Variants in PA2G4 observed in about 807,000 individuals in gnomAD.
PA2G4 encodes the protein proliferation-associated 2G4.
In PA2G4, 8 loss-of-function variants were observed where a neutral mutation model predicts 53.3. That is an observed-to-expected ratio of 0.15 (90% CI 0.09 to 0.27). PA2G4 has a LOEUF of 0.27. Ranked by LOEUF, PA2G4 falls within the 10% of genes least tolerant of loss-of-function variation. The pLI, the probability that PA2G4 is intolerant of heterozygous loss-of-function variation, is 1.00. For synonymous variants in PA2G4, 143 were observed against 169.8 expected, an observed-to-expected ratio of 0.84 and a Z score of 1.23; for missense variants, 208 against 486.8, an observed-to-expected ratio of 0.43 and a Z score of 5.39.
intron 9 of PA2G4, 57 bp downstream of exon 9, chr12:56,110,749 A>G: frequency 6.2e-7 from 1 of 1,604,638 alleles, no homozygotes; most frequent in South Asian, 1.1e-5. Flanking sequence ...TACACCCAGG[A>G]ACACTTTTTC....
rs1157466662 is a variant in PA2G4, at chr12:56,111,631, C to T, written c.1119+102C>T. The stretch of plus-strand genomic sequence containing the variant: ...AAATACGGATTTTTATACAGATGCT[C>T]CTCAACTTATATGATAGAACTTTGT... On this transcript the variant is annotated intron_variant, in intron 12 of 12. Coordinates refer to ENST00000303305, the MANE Select transcript of PA2G4 (RefSeq NM_006191.3). The T allele has an allele frequency of 1.1e-5, 11 of 990,236 alleles. No individual in the cohort carries two copies. In the Admixed American group the frequency reaches 2.1e-4, roughly 19 times the overall value. 61.3% of individuals were successfully genotyped at this position (990,236 alleles called of 1,614,324 possible).
At chr12:56,112,777 A>T (rs1266242866) in intron 12 of PA2G4, 46 bp from the exon 13 acceptor site, 5 of 1,254,502 alleles carry the variant, frequency 4.0e-6, no homozygotes, top group Non-Finnish European at 5.7e-6. Flanking sequence ...ATCCCCAAGT[A>T]GTTAGAAACT....
chr12:56,104,636 C>G lies in PA2G4; in HGVS notation c.-102C>G, dbSNP rs752351179. On this transcript the variant is annotated 5_prime_UTR_variant, in exon 1 of 13. Coordinates refer to ENST00000303305, the MANE Select transcript of PA2G4 (RefSeq NM_006191.3). ...TGCTCGCGCTTTCGCTCGCCCTCTC[C>G]TCGAGGATCGAGGGGACTCTGACCA... The G allele has an allele frequency of 1.8e-6, 2 of 1,134,770 alleles. No individual in the cohort carries two copies. The highest frequency in any genetic ancestry group is 1.5e-5 in the African/African-American group (1 of 65,878). The allele number at this position is 1,134,770 out of a possible 1,614,324, so 70.3% of individuals were successfully genotyped here. A position where few individuals can be genotyped will look rare whatever the true frequency, so the allele number is the denominator to read the frequency against.
chr12:56,108,337 A>G (rs1176482158), intron 5 of PA2G4, among the ~76,000 whole-genome samples: 4 of 152,238 alleles, frequency 2.6e-5, no homozygotes, highest in African/African-American at 9.6e-5. Context: ...CTTGTCTTCT[A>G]GATTGGGATA....
At chr12:56,105,093 TA>T in intron 1 of PA2G4, 1 of 683,384 alleles carries the variant, frequency 1.5e-6, no homozygotes, top group African/African-American at 1.8e-5. Context: ...GGCCGTTTGT[TA>T]GGAGGCAAGA....
Position 56,111,316 on chromosome 12 carries a change from A to G in PA2G4, c.1065+7A>G. 1 of 1,614,168 alleles carries G rather than the reference A, an allele frequency of 6.2e-7. No homozygotes were observed. Among genetic ancestry groups the G allele is most frequent in the Non-Finnish European group, 8.5e-7 (1 of 1,180,034 alleles). Reference sequence around the variant, plus strand: ...CCAGGATGCAGAGCTAAAGGTTAGTATGGAATAGAAGGTGGTGAGTATGTA... The same window carrying G: ...CCAGGATGCAGAGCTAAAGGTTAGTGTGGAATAGAAGGTGGTGAGTATGTA... On this transcript the variant is annotated splice_region_variant and intron_variant, in intron 11 of 12. Coordinates refer to ENST00000303305, the MANE Select transcript of PA2G4 (RefSeq NM_006191.3).
Position 56,109,927 on chromosome 12 carries a change from C to T in PA2G4, c.621C>T (p.Asp207=). Residue 207 remains aspartate, a synonymous_variant, in exon 7 of 13, where the codon GAC becomes GAT. Coordinates refer to ENST00000303305, the MANE Select transcript of PA2G4 (RefSeq NM_006191.3). ...GEKTIIQNPT[D]QQKKDHEKAE... is the part of the protein sequence containing the mutation. ...AAACCATTATCCAGAATCCCACAGACCAGCAGAAGTAGGTGCCAACCCTAC... is the reference window on the plus strand; with the variant it reads ...AAACCATTATCCAGAATCCCACAGATCAGCAGAAGTAGGTGCCAACCCTAC... The T allele has an allele frequency of 6.2e-7, 1 of 1,612,768 alleles. No individual in the cohort carries two copies. Among genetic ancestry groups the T allele is most frequent in the Non-Finnish European group, 8.5e-7 (1 of 1,178,758 alleles).
chr12:56,105,106 G>A, intron 1 of PA2G4: 1 of 672,214 alleles, frequency 1.5e-6, no homozygotes, highest in South Asian at 1.5e-5. Context: ...GAGGCAAGAC[G>A]TGTTTTCTCT....
chr12:56,109,137 A>C (rs1163593309), intron 5 of PA2G4, 93 bp from the exon 6 acceptor site: 14 of 775,418 alleles, frequency 1.8e-5, no homozygotes, highest in East Asian at 3.0e-5. Flanking sequence ...AAAAAAAAAA[A>C]AAAACGCTCA....
intron 6 of PA2G4, 104 bp downstream of exon 6, chr12:56,109,397 A>C: frequency 2.6e-6 from 2 of 763,562 alleles, no homozygotes; most frequent in Non-Finnish European, 4.6e-6. Context: ...AGGTGGGCGG[A>C]TCACCTGAGG....
intron 12 of PA2G4, 30 bp downstream of exon 12, chr12:56,111,559 C>T (rs372490115): frequency 6.3e-6 from 10 of 1,588,256 alleles, no homozygotes; most frequent in Non-Finnish European, 7.8e-6. Context: ...TCCTCTCTGG[C>T]AGGGTGAACC....
chr12:56,110,925 G>A (rs1322102219), intron 9 of PA2G4, 39 bp from the exon 10 acceptor site: 1 of 1,560,676 alleles, frequency 6.4e-7, no homozygotes, highest in Non-Finnish European at 8.8e-7. Flanking sequence ...GACTTGATGG[G>A]GAGTTAAAGA....
In PA2G4 at chr12:56,113,621, A is replaced by T; in HGVS notation, c.*733A>T. On this transcript the variant is annotated 3_prime_UTR_variant, in exon 13 of 13. Transcript: ENST00000303305. The stretch of plus-strand genomic sequence containing the variant: ...TCTTTCCTCGCTCCATCTTACACAG[A>T]CCTGAGCTGGAAGCTCAACTGGTTT... 1.7e-6 allele frequency: 1 copy of T among 578,688 alleles called. No homozygotes were observed. The highest frequency in any genetic ancestry group is 2.2e-5 in the South Asian group (1 of 45,570). 35.8% of individuals were successfully genotyped at this position (578,688 alleles called of 1,614,324 possible). A position where few individuals can be genotyped will look rare whatever the true frequency, so the allele number is the denominator to read the frequency against.
chr12:56,107,490 G>A (rs751435283), intron 4 of PA2G4, 31 bp from the exon 5 acceptor site: 1 of 1,510,710 alleles, frequency 6.6e-7, no homozygotes, highest in African/African-American at 1.4e-5. Flanking sequence ...GACTTTCCAG[G>A]AAGATACTGA....
At chr12:56,112,459 G>T (rs1346180212) in intron 12 of PA2G4, among the ~76,000 whole-genome samples, 4 of 151,876 alleles carry the variant, frequency 2.6e-5, no homozygotes, top group Non-Finnish European at 5.9e-5. Flanking sequence ...TGACCCAGAG[G>T]ATTGAGATAA....
intron 1 of PA2G4, among the ~76,000 whole-genome samples, chr12:56,105,265 GTTGCTGGGTCCCA>G (rs1241711467): frequency 6.6e-6 from 1 of 152,178 alleles, no homozygotes; most frequent in African/African-American, 2.4e-5. Context: ...GCCGGCACGT[GTTGCTGGGTCCCA>G]TTGCGGATGG....
In PA2G4 at chr12:56,106,479, G is replaced by T. The variant is rs1480886023; in HGVS notation, c.89-109G>T. ...TTGACCTTTCAGCCTCAGGGCAATG[G>T]CACCAGGGAGTATTATGGAAACTCT... On this transcript the variant is annotated intron_variant, in intron 1 of 12. Coordinates refer to ENST00000303305, the MANE Select transcript of PA2G4 (RefSeq NM_006191.3). The T allele has an allele frequency of 3.2e-6, 4 of 1,249,654 alleles. No individual in the cohort carries two copies. In the East Asian group the frequency reaches 1.1e-4, roughly 34 times the overall value. The allele number at this position is 1,249,654 out of a possible 1,614,324, so 77.4% of individuals were successfully genotyped here. A position where few individuals can be genotyped will look rare whatever the true frequency, so the allele number is the denominator to read the frequency against.
chr12:56,107,153 G>T (rs774790622), intron 3 of PA2G4, 34 bp from the exon 4 acceptor site: 2 of 1,603,798 alleles, frequency 1.2e-6, no homozygotes, highest in Non-Finnish European at 1.7e-6. Flanking sequence ...CAAAATGCCA[G>T]TTCCTAATGC....
rs947552098 is a variant in PA2G4 at position 56,107,764 on chromosome 12, C to T, written c.486+151C>T. 11 of 593,526 alleles carry T rather than the reference C, an allele frequency of 1.9e-5. No homozygotes were observed. In the African/African-American group the frequency reaches 1.9e-4, roughly 10 times the overall value. 36.8% of individuals were successfully genotyped at this position (593,526 alleles called of 1,614,324 possible). A position where few individuals can be genotyped will look rare whatever the true frequency, so the allele number is the denominator to read the frequency against. On this transcript the variant is annotated intron_variant, in intron 5 of 12. Coordinates refer to ENST00000303305, the MANE Select transcript of PA2G4 (RefSeq NM_006191.3). ...CTATATTTAGCTGGGCACAGTGACT[C>T]ACATCTGTAATCCCATCACTTTGGG...
Sources: gnomAD v4.1 joint callset for allele counts (sites outside exome capture counted in the v4.1 genomes callset) on GRCh38, gnomAD v4.1.1 for gene constraint, MANE v1.5 for transcripts, NCBI Gene and HGNC (gene_info 2026-07-23, HGNC 2026-07-21) for gene names.